The following BCL11B variants were observed in gnomAD, a reference collection of about 807,000 sequenced individuals.
BCL11B encodes BCL11 transcription factor B.
Under a neutral mutation model 49.9 loss-of-function variants are expected in BCL11B, and 8 were observed. The observed-to-expected ratio is 0.16, with a 90% CI of 0.09 to 0.29. BCL11B has a LOEUF of 0.29. BCL11B is among the 10% of genes least tolerant of loss of function. The pLI, the probability that BCL11B is intolerant of heterozygous loss-of-function variation, is 1.00. For missense variants in BCL11B, 1,006 were observed against 1,351.0 expected, an observed-to-expected ratio of 0.74 and a Z score of 4.00; for synonymous variants, 739 against 637.4, an observed-to-expected ratio of 1.16 and a Z score of -2.40.
In BCL11B at chr14:99,173,413, G is replaced by A. The variant is rs1886354240; in HGVS notation, c.*738C>T. On this transcript the variant is annotated 3_prime_UTR_variant, in exon 4 of 4. Transcript: ENST00000357195. ...AAGGTTTCCCTTATGTAATATGAAA[G>A]CCGAAATCAACACAGAAAAGGCCGC... 4.6e-6 allele frequency: 1 copy of A among 218,116 alleles called. No individual in the cohort carries two copies. Among genetic ancestry groups the A allele is most frequent in the African/African-American group, 2.3e-5 (1 of 44,296 alleles). The allele number at this position is 218,116 out of a possible 1,614,324, so 13.5% of individuals were successfully genotyped here. A position where few individuals can be genotyped will look rare whatever the true frequency, so the allele number is the denominator to read the frequency against.
chr14:99,185,436 T>TA (rs1372649456), intron 3 of BCL11B, among the ~76,000 whole-genome samples: 236 of 95,254 alleles, frequency 2.5e-3, no homozygotes, highest in Non-Finnish European at 3.7e-3. Flanking sequence ...GACTCTGCCT[T>TA]AAAAAAAAAG....
chr14:99,194,385 A>AG lies in BCL11B; in HGVS notation c.641-18191dup, dbSNP rs1887121588. On this transcript the variant is annotated intron_variant, in intron 3 of 3. Coordinates refer to ENST00000357195, the MANE Select transcript of BCL11B (RefSeq NM_138576.4). This position sits in a 1 kb window ranked among gnomAD's most constrained non-coding sequence, Gnocchi z 4.6. The stretch of plus-strand genomic sequence containing the variant: ...GCCAGTGCTCCTGGACAACATCCCT[A>AG]GGGGGTGGCAGGGCCAGGAAGATGC... Among the ~76,000 whole-genome samples, 1 of 152,300 alleles carries AG rather than the reference A, an allele frequency of 6.6e-6. No individual in the cohort carries two copies. The highest frequency in any genetic ancestry group is 1.9e-4 in the East Asian group (1 of 5,178).
chr14:99,188,183 C>T (rs1425101212), intron 3 of BCL11B, among the ~76,000 whole-genome samples: 2 of 152,146 alleles, frequency 1.3e-5, no homozygotes, highest in African/African-American at 4.8e-5. Context: ...AGGTTATTCC[C>T]TTGTTCTGAA....
At position 99,175,579 on chromosome 14, in the gene BCL11B, G is replaced by C; in HGVS notation, c.1257C>G (p.Pro419=). The C allele has an allele frequency of 6.3e-7, 1 of 1,585,412 alleles. No homozygotes were observed. The highest frequency in any genetic ancestry group is 8.6e-7 in the Non-Finnish European group (1 of 1,167,674). The change falls in exon 4 of 4, where the codon CCC becomes CCG. Residue 419 remains proline (P), a synonymous_variant. Coordinates refer to ENST00000357195, the MANE Select transcript of BCL11B (RefSeq NM_138576.4). ...ACTTGCTCTTGGCTGGCGGCTGCGG[G>C]GGCGGCGTGCCGCCAGGGGGCATGG... ...LPPMPPGGTP[P]PQPPAKSKSC...
chr14:99,197,798 C>T (rs999203016), intron 3 of BCL11B, among the ~76,000 whole-genome samples: 2 of 152,166 alleles, frequency 1.3e-5, no homozygotes, highest in Admixed American at 6.5e-5. Flanking sequence ...CAGCTGCGTG[C>T]GAGGGAGACA....
rs1298283137 is a variant in BCL11B at position 99,192,875 on chromosome 14, GAAT to G, written c.641-16683_641-16681del. Among the ~76,000 whole-genome samples the G allele has an allele frequency of 9.9e-5, 15 of 151,828 alleles. No homozygotes were observed. Among genetic ancestry groups the G allele is most frequent in the Non-Finnish European group, 2.1e-4 (14 of 67,888 alleles). On this transcript the variant is annotated intron_variant, in intron 3 of 3. Coordinates refer to ENST00000357195, the MANE Select transcript of BCL11B (RefSeq NM_138576.4). The surrounding 1 kb of genome is among the most constrained non-coding windows in gnomAD (Gnocchi z 4.0). ...ATGATCAAAATGTAAATGAGTGAAT[GAAT>G]GAATGAATGAATGAATGAGTGAATG...
intron 3 of BCL11B, among the ~76,000 whole-genome samples, chr14:99,178,623 C>T (rs1264331308): frequency 6.6e-6 from 1 of 152,224 alleles, no homozygotes. Context: ...CATAGGAGAG[C>T]TGGCCAGAAG....
Position 99,176,005 on chromosome 14 carries a change from G to T in BCL11B, c.831C>A (p.Ser277=). The change falls in exon 4 of 4, where the codon TCC becomes TCA. Residue 277 remains serine (S), a synonymous_variant. Transcript: ENST00000357195. ...TGTCGCCCAGGAAATTCATGAGCGG[G>T]GACTGCGCCACGGCCTCCGGCCCGA... ...PPLGPEAVAQ[S]PLMNFLGDSN... is the part of the protein sequence containing the mutation. 6.5e-7 allele frequency: 1 copy of T among 1,545,466 alleles called. No homozygotes were observed. Among genetic ancestry groups the T allele is most frequent in the Non-Finnish European group, 8.7e-7 (1 of 1,146,478 alleles).
At chr14:99,233,423 A>T (rs1032083749) in intron 2 of BCL11B, among the ~76,000 whole-genome samples, 1 of 152,190 alleles carries the variant, frequency 6.6e-6, no homozygotes, top group African/African-American at 2.4e-5. Context: ...GGGTCCTGGG[A>T]TCTCTAGAGC....
intron 3 of BCL11B, among the ~76,000 whole-genome samples, chr14:99,216,077 G>A (rs1001580665): frequency 6.6e-6 from 1 of 152,180 alleles, no homozygotes; most frequent in African/African-American, 2.4e-5. Context: ...TAGCAGTAAT[G>A]CCTGCCGCTA....
intron 1 of BCL11B, among the ~76,000 whole-genome samples, chr14:99,258,393 A>C (rs773196614): frequency 2.6e-5 from 4 of 152,054 alleles, no homozygotes; most frequent in Admixed American, 6.6e-5. Context: ...GCTGGGCTGG[A>C]GCCCCACCCC....
intron 3 of BCL11B, among the ~76,000 whole-genome samples, chr14:99,204,019 A>G (rs17098384): frequency 0.051 from 7,756 of 152,132 alleles, 685 homozygotes; most frequent in East Asian, 0.34. Context: ...CTTCCTCCTC[A>G]TGGTCTTCCA....
In BCL11B at chr14:99,175,395, C is replaced by G; in HGVS notation, c.1441G>C (p.Ala481Pro). The G allele has an allele frequency of 1.2e-6, 2 of 1,603,884 alleles. No individual in the cohort carries two copies. Among genetic ancestry groups the G allele is most frequent in the Non-Finnish European group, 1.7e-6 (2 of 1,176,996 alleles). ...TCGGAGCGGCCGGCCAGCGAGCCGG[C>G]CTTGTGCATGTGCGTCTTCATGTGG... ...KRHMKTHMHK[A>P]GSLAGRSDDG... The change falls in exon 4 of 4, where the codon GCC becomes CCC. Residue 481 changes from alanine to proline, a missense_variant. Transcript: ENST00000357195.
intron 3 of BCL11B, among the ~76,000 whole-genome samples, chr14:99,214,945 G>C (rs1887789507): frequency 6.6e-6 from 1 of 152,130 alleles, no homozygotes; most frequent in Non-Finnish European, 1.5e-5. Flanking sequence ...AGTTCATCAA[G>C]CATGCAGGGG....
rs555203589 is a variant in BCL11B, at chr14:99,245,110, T to C, written c.427+12361A>G. Among the ~76,000 whole-genome samples, 4 of 152,350 alleles carry C rather than the reference T, an allele frequency of 2.6e-5. No individual in the cohort carries two copies. In the South Asian group the frequency reaches 6.2e-4, roughly 24 times the overall value. Reference sequence around the variant, plus strand: ...TTTGAACATTTTCTTAAGAGCTTTGTGGTGGACAGGCTGGGCGTCCAACCA... The same window carrying C: ...TTTGAACATTTTCTTAAGAGCTTTGCGGTGGACAGGCTGGGCGTCCAACCA... On this transcript the variant is annotated intron_variant, in intron 2 of 3. Coordinates refer to ENST00000357195, the MANE Select transcript of BCL11B (RefSeq NM_138576.4).
At chr14:99,249,626 A>G (rs1159716402) in intron 2 of BCL11B, among the ~76,000 whole-genome samples, 1 of 152,192 alleles carries the variant, frequency 6.6e-6, no homozygotes, top group Non-Finnish European at 1.5e-5. Context: ...GAAGAACATA[A>G]CTGCCGGAGT....
At chr14:99,219,520 C>T (rs1055135126) in intron 3 of BCL11B, among the ~76,000 whole-genome samples, 3 of 152,134 alleles carry the variant, frequency 2.0e-5, no homozygotes, top group African/African-American at 4.8e-5. Context: ...AGTCCCTCCC[C>T]GCCCAGCCAA....
chr14:99,257,779 T>G lies in BCL11B; in HGVS notation c.119A>C (p.Glu40Ala). The G allele has an allele frequency of 6.3e-7, 1 of 1,592,856 alleles. No homozygotes were observed. Among genetic ancestry groups the G allele is most frequent in the Admixed American group, 1.7e-5 (1 of 58,472 alleles). ...LEEDEGLEIE[E>A]PSGLGLMVGG... ...CACCATCAGCCCCAGGCCACTTGGC[T>G]CCTCTATCTCCAGACCCTCGTCTTC... The change falls in exon 2 of 4, where the codon GAG becomes GCG. Residue 40 changes from glutamate (E) to alanine (A), a missense_variant. Transcript: ENST00000357195. The surrounding 1 kb of genome is among the most constrained non-coding windows in gnomAD (Gnocchi z 6.2).
In BCL11B at chr14:99,231,835, G is replaced by C. The variant is rs1490025405; in HGVS notation, c.428-278C>G. Among the ~76,000 whole-genome samples the C allele has an allele frequency of 6.6e-6, 1 of 151,778 alleles. No individual in the cohort carries two copies. The highest frequency in any genetic ancestry group is 2.4e-5 in the African/African-American group (1 of 41,336). ...ACCCCGCCTCTGGGGGCCTGGTGCA[G>C]GGGGCTGGGTGAACGGGGGCTGTGA... On this transcript the variant is annotated intron_variant, in intron 2 of 3. Coordinates refer to ENST00000357195, the MANE Select transcript of BCL11B (RefSeq NM_138576.4). This position sits in a 1 kb window ranked among gnomAD's most constrained non-coding sequence, Gnocchi z 8.1.
Sources: allele counts gnomAD v4.1 joint callset (sites outside exome capture counted in the v4.1 genomes callset), GRCh38; gene constraint gnomAD v4.1.1; non-coding constraint Gnocchi (gnomAD v3.1); transcripts MANE v1.5; gene names NCBI Gene and HGNC (gene_info 2026-07-23, HGNC 2026-07-21).